GADL1: variants seen among roughly 807,000 people sequenced by gnomAD.
GADL1 encodes GAD like acidic amino acid decarboxylase 1, also known as acidic amino acid decarboxylase GADL1.
In GADL1, 71 loss-of-function variants were observed where a neutral mutation model predicts 69.5. That is an observed-to-expected ratio of 1.02 (90% confidence interval 0.84 to 1.25). The LOEUF is 1.25. GADL1 is among the 50% of genes most tolerant of loss of function. The probability of loss-of-function intolerance (pLI) is 0.00; values close to 1 mark genes in which losing one functional copy is unlikely to be tolerated. For synonymous variants in GADL1, 254 were observed against 214.4 expected (o/e 1.18, Z -1.62); for missense variants, 737 against 631.8 (o/e 1.17, Z -1.79).
chr3:30,894,600 C>T lies in GADL1; in HGVS notation c.15G>A (p.Ser5=), dbSNP rs549518182. The change falls in exon 1 of 15, where the codon TCG becomes TCA. Residue 5 remains serine (S), a synonymous_variant. Transcript: ENST00000282538. The part of the protein sequence containing the change: MSSD[S]DRQCPVDGDI... ...TACCGTCCACAGGACACTGGCGGTC[C>T]GAGTCGCTGCTCATCTCCGCTCCCC... 10 of 1,551,082 alleles carry T rather than the reference C, an allele frequency of 6.4e-6. No homozygotes were observed. The highest frequency in any genetic ancestry group is 6.0e-5 in the South Asian group (5 of 84,010).
At chr3:30,844,987 C>T (rs1313355829) in intron 6 of GADL1, among the ~76,000 whole-genome samples, 52 of 152,138 alleles carry the variant, frequency 3.4e-4, no homozygotes, top group African/African-American at 1.2e-3. Context: ...GAGGGCAAGA[C>T]TCTATCTCAA....
intron 6 of GADL1, among the ~76,000 whole-genome samples, chr3:30,844,978 A>T (rs1302372377): frequency 3.4e-4 from 52 of 152,130 alleles, no homozygotes; most frequent in African/African-American, 1.2e-3. Context: ...CTCTAAGGAG[A>T]GGGCAAGACT....
chr3:30,784,296 C>A lies in GADL1; in HGVS notation c.1302+2059G>T, dbSNP rs193068076. 3.9e-5 allele frequency among the ~76,000 whole-genome samples: 6 copies of A among 152,236 alleles called. No individual in the cohort carries two copies. The East Asian group carries it at 1.2e-3, about 29-fold the overall frequency. On this transcript the variant is annotated intron_variant, in intron 13 of 14. Coordinates refer to ENST00000282538, the MANE Select transcript of GADL1 (RefSeq NM_207359.3). The stretch of plus-strand genomic sequence containing the variant: ...CTGGGATTTCAACAAGGTCCATATG[C>A]CTTATTTGGTTATGCCTCTTCGGTC...
intron 14 of GADL1, among the ~76,000 whole-genome samples, chr3:30,769,601 C>G (rs553063877): frequency 6.6e-6 from 1 of 152,244 alleles, no homozygotes; most frequent in South Asian, 2.1e-4. Context: ...CTTCAGAACA[C>G]ACAAACTTCA....
At chr3:30,832,882 T>C (rs1281429688) in intron 11 of GADL1, among the ~76,000 whole-genome samples, 1 of 151,242 alleles carries the variant, frequency 6.6e-6, no homozygotes, top group Non-Finnish European at 1.5e-5. Context: ...TGTCTATTTC[T>C]ATAGAAGCAA....
chr3:30,787,652 T>C (rs562865822), intron 12 of GADL1, among the ~76,000 whole-genome samples: 6 of 152,308 alleles, frequency 3.9e-5, no homozygotes, highest in African/African-American at 1.4e-4. Context: ...GTAATAGTTA[T>C]GATCCTATGA....
intron 6 of GADL1, among the ~76,000 whole-genome samples, chr3:30,845,856 T>C (rs1447869736): frequency 6.6e-6 from 1 of 152,160 alleles, no homozygotes; most frequent in Non-Finnish European, 1.5e-5. Context: ...ATTGATTTCA[T>C]AATGATAAAT....
At chr3:30,754,427 G>A (rs1490800258) in intron 14 of GADL1, among the ~76,000 whole-genome samples, 2 of 152,138 alleles carry the variant, frequency 1.3e-5, no homozygotes, top group Non-Finnish European at 1.5e-5. Flanking sequence ...TTAAAAGCAT[G>A]AATCCTAAAG....
In GADL1 at chr3:30,834,210, C is replaced by A; in HGVS notation, c.968+7G>T. 1.2e-6 allele frequency: 2 copies of A among 1,610,030 alleles called. No homozygotes were observed. The highest frequency in any genetic ancestry group is 1.7e-6 in the Non-Finnish European group (2 of 1,176,710). On this transcript the variant is annotated splice_region_variant and intron_variant, in intron 10 of 14. Coordinates refer to ENST00000282538, the MANE Select transcript of GADL1 (RefSeq NM_207359.3). ...AAGTTGGCTGTACACCAGGAAACTA[C>A]ATTTACCTGTGGATGCCATGCAGAA...
chr3:30,758,614 A>ATTCG (rs1437564480), intron 14 of GADL1, among the ~76,000 whole-genome samples: 1 of 152,236 alleles, frequency 6.6e-6, no homozygotes, highest in Admixed American at 6.5e-5. Flanking sequence ...ATGCTTAAAT[A>ATTCG]TAAATGTGGA....
At chr3:30,745,493 G>C (rs1032867477) in intron 14 of GADL1, among the ~76,000 whole-genome samples, 2 of 152,154 alleles carry the variant, frequency 1.3e-5, no homozygotes, top group Non-Finnish European at 2.9e-5. Flanking sequence ...GCATGGACAA[G>C]GGATAGAAAA....
intron 2 of GADL1, among the ~76,000 whole-genome samples, chr3:30,857,632 C>A (rs546621349): frequency 6.6e-6 from 1 of 152,080 alleles, no homozygotes; most frequent in South Asian, 2.1e-4. Context: ...ATCGACCTAG[C>A]AGCCAGAATG....
intron 14 of GADL1, among the ~76,000 whole-genome samples, chr3:30,737,410 A>G (rs1559483154): frequency 6.6e-6 from 1 of 152,190 alleles, no homozygotes; most frequent in Non-Finnish European, 1.5e-5. Context: ...TTTGTTAATC[A>G]TAAAATCTAA....
chr3:30,746,011 TGC>T (rs1457243807), intron 14 of GADL1, among the ~76,000 whole-genome samples: 5 of 150,500 alleles, frequency 3.3e-5, no homozygotes, highest in Non-Finnish European at 7.4e-5. Flanking sequence ...TTCCTTTTAT[TGC>T]ACTCCAGCTC....
chr3:30,784,247 CT>C (rs1696738922), intron 13 of GADL1, among the ~76,000 whole-genome samples: 1 of 152,176 alleles, frequency 6.6e-6, no homozygotes, highest in African/African-American at 2.4e-5. Context: ...ACAAGAATTA[CT>C]TTTTACAGTT....
intron 14 of GADL1, among the ~76,000 whole-genome samples, chr3:30,768,994 G>GT (rs994901576): frequency 7.2e-5 from 11 of 152,112 alleles, no homozygotes; most frequent in African/African-American, 2.7e-4. Context: ...TCTATTCTTT[G>GT]TTTTTGCAAC....
intron 13 of GADL1, among the ~76,000 whole-genome samples, chr3:30,781,619 C>G (rs1006486476): frequency 6.6e-6 from 1 of 152,136 alleles, no homozygotes; most frequent in Non-Finnish European, 1.5e-5. Context: ...GCAAAAAAGC[C>G]TAAGTTTTGG....
intron 12 of GADL1, chr3:30,799,889 T>C (rs949785461): frequency 1.3e-5 from 2 of 152,266 alleles, no homozygotes; most frequent in Non-Finnish European, 2.9e-5. Context: ...AGAGTCAACT[T>C]TGCTCCAGTT....
intron 12 of GADL1, chr3:30,799,654 T>C (rs1697121149): frequency 6.6e-6 from 1 of 152,176 alleles, no homozygotes; most frequent in Non-Finnish European, 1.5e-5. Context: ...CCTCAAAAAA[T>C]GGGTTTTTTC....
Sources: allele counts gnomAD v4.1 joint callset (sites outside exome capture counted in the v4.1 genomes callset), GRCh38; gene constraint gnomAD v4.1.1; transcripts MANE v1.5; gene names NCBI Gene and HGNC (gene_info 2026-07-23, HGNC 2026-07-21).